EPHA3: variants seen among roughly 807,000 people sequenced by gnomAD.
EPHA3 encodes EPH receptor A3, also known as ephrin type-A receptor 3.
A neutral mutation model predicts 107.1 loss-of-function variants in EPHA3; 42 were observed. That is an observed-to-expected ratio of 0.39 (90% CI 0.31 to 0.51). EPHA3 has a LOEUF of 0.51. Among genes scored for constraint, EPHA3 ranks in the 20% least tolerant of loss-of-function variants. EPHA3 has a pLI of 0.78. For missense variants in EPHA3, 1,183 were observed against 1,211.2 expected (o/e 0.98, Z 0.35); for synonymous variants, 461 against 424.8 (o/e 1.09, Z -1.05).
chr3:89,212,593 ATTT>A, intron 3 of EPHA3, among the ~76,000 whole-genome samples: 1 of 149,074 alleles, frequency 6.7e-6, no homozygotes, highest in African/African-American at 2.4e-5. Context: ...AAACATCATG[ATTT>A]TTTTTTTTTG....
chr3:89,334,474 G>T lies in EPHA3; in HGVS notation c.815-6442G>T, dbSNP rs1162484230. 3.3e-5 allele frequency among the ~76,000 whole-genome samples: 5 copies of T among 152,286 alleles called. No homozygotes were observed. The East Asian group carries it at 9.7e-4, about 29-fold the overall frequency. On this transcript the variant is annotated intron_variant, in intron 3 of 16. Coordinates refer to ENST00000336596, the MANE Select transcript of EPHA3 (RefSeq NM_005233.6). ...AATCCTACAGATTTGGGCATACAGG[G>T]TATTAACATTTTAAAGTGTCTAGGC... is the stretch of plus-strand genomic sequence containing the variant.
intron 3 of EPHA3, among the ~76,000 whole-genome samples, chr3:89,219,533 A>C (rs933692339): frequency 1.3e-5 from 2 of 151,630 alleles, no homozygotes; most frequent in African/African-American, 4.8e-5. Flanking sequence ...CAAAACAGAA[A>C]AATGTTCCTG....
chr3:89,367,020 C>T (rs1708197885), intron 5 of EPHA3, among the ~76,000 whole-genome samples: 1 of 150,556 alleles, frequency 6.6e-6, no homozygotes, highest in Non-Finnish European at 1.5e-5. Flanking sequence ...AGGTTCTCAT[C>T]AACCCTCATC....
chr3:89,379,113 T>A (rs1306861972), intron 5 of EPHA3, among the ~76,000 whole-genome samples: 1 of 152,180 alleles, frequency 6.6e-6, no homozygotes, highest in Non-Finnish European at 1.5e-5. Context: ...CTCTGCAATT[T>A]CCCCTTTGCT....
chr3:89,282,023 A>G (rs1669849534), intron 3 of EPHA3, among the ~76,000 whole-genome samples: 1 of 152,238 alleles, frequency 6.6e-6, no homozygotes, highest in South Asian at 2.1e-4. Flanking sequence ...TCAATTATAT[A>G]TTAAATAATT....
intron 3 of EPHA3, among the ~76,000 whole-genome samples, chr3:89,336,529 C>T (rs1458656280): frequency 6.6e-6 from 1 of 152,106 alleles, no homozygotes; most frequent in Non-Finnish European, 1.5e-5. Flanking sequence ...GAGATTGTTT[C>T]TTTATAAAAT....
intron 3 of EPHA3, among the ~76,000 whole-genome samples, chr3:89,326,593 T>C (rs752847971): frequency 4.6e-5 from 7 of 152,086 alleles, no homozygotes; most frequent in Non-Finnish European, 8.8e-5. Context: ...TTTCACCATG[T>C]TGCCCAGGCT....
chr3:89,136,938 A>C (rs953213627), intron 2 of EPHA3, among the ~76,000 whole-genome samples: 10 of 152,086 alleles, frequency 6.6e-5, no homozygotes, highest in African/African-American at 1.9e-4. Context: ...TTTTTTCTCT[A>C]AAACAAATAA....
intron 13 of EPHA3, among the ~76,000 whole-genome samples, chr3:89,433,610 TA>T (rs1709611509): frequency 6.6e-6 from 1 of 152,206 alleles, no homozygotes; most frequent in African/African-American, 2.4e-5. Flanking sequence ...AATTTTTTTT[TA>T]ATCTGAGTAT....
intron 1 of EPHA3, among the ~76,000 whole-genome samples, chr3:89,125,518 A>G (rs544895924): frequency 6.6e-6 from 1 of 151,834 alleles, no homozygotes; most frequent in East Asian, 1.9e-4. Flanking sequence ...ATAATTAAGC[A>G]TACTGTTAAT....
chr3:89,442,607 G>T (rs1331355022), intron 13 of EPHA3, among the ~76,000 whole-genome samples: 1 of 152,124 alleles, frequency 6.6e-6, no homozygotes, highest in Non-Finnish European at 1.5e-5. Context: ...TCGGGTGAAA[G>T]GTCAACAGTG....
At chr3:89,383,038 T>C (rs114337685) in intron 5 of EPHA3, among the ~76,000 whole-genome samples, 2,433 of 152,334 alleles carry the variant, frequency 0.016, 67 homozygotes, top group African/African-American at 0.055. Context: ...CTTCTTTTAA[T>C]ATTGAGTAAA....
At chr3:89,365,848 C>T (rs1231203740) in intron 5 of EPHA3, among the ~76,000 whole-genome samples, 1 of 150,736 alleles carries the variant, frequency 6.6e-6, no homozygotes, top group Admixed American at 6.7e-5. Flanking sequence ...GCAATTTCTT[C>T]ACCTGGGCAG....
chr3:89,116,868 C>T (rs1333272061), intron 1 of EPHA3, among the ~76,000 whole-genome samples: 1 of 152,016 alleles, frequency 6.6e-6, no homozygotes, highest in East Asian at 1.9e-4. Flanking sequence ...GTCAATTACT[C>T]ATTTTCCTGT....
chr3:89,133,720 C>A (rs1241756354), intron 2 of EPHA3, among the ~76,000 whole-genome samples: 1 of 152,136 alleles, frequency 6.6e-6, no homozygotes, highest in African/African-American at 2.4e-5. Context: ...TTGACCAATG[C>A]CGGCTGCAGG....
intron 3 of EPHA3, among the ~76,000 whole-genome samples, chr3:89,248,477 T>C (rs1705087512): frequency 6.6e-6 from 1 of 152,226 alleles, no homozygotes; most frequent in Non-Finnish European, 1.5e-5. Flanking sequence ...TCTTCATTTT[T>C]ATTTCTCTTC....
At chr3:89,282,747 G>A (rs1429686377) in intron 3 of EPHA3, among the ~76,000 whole-genome samples, 2 of 152,016 alleles carry the variant, frequency 1.3e-5, no homozygotes, top group Admixed American at 6.6e-5. Context: ...TGAATCATGC[G>A]TGATCTGTAG....
intron 3 of EPHA3, among the ~76,000 whole-genome samples, chr3:89,246,276 T>G (rs1366043919): frequency 6.6e-6 from 1 of 152,216 alleles, no homozygotes; most frequent in African/African-American, 2.4e-5. Flanking sequence ...CAGAATTTAG[T>G]GTTTTAGGCA....
chr3:89,243,701 T>G (rs1704965103), intron 3 of EPHA3, among the ~76,000 whole-genome samples: 1 of 152,174 alleles, frequency 6.6e-6, no homozygotes, highest in Non-Finnish European at 1.5e-5. Context: ...TTTCTCCCAT[T>G]CTGTAGGTTG....
Sources: gnomAD v4.1 joint callset for allele counts (sites outside exome capture counted in the v4.1 genomes callset) on GRCh38, gnomAD v4.1.1 for gene constraint, MANE v1.5 for transcripts, NCBI Gene and HGNC (gene_info 2026-07-23, HGNC 2026-07-21) for gene names.